The following IL1RN variants were observed in gnomAD, a reference collection of about 807,000 sequenced individuals.
The protein encoded by IL1RN is interleukin-1 receptor antagonist protein.
A neutral mutation model predicts 13.7 loss-of-function variants in IL1RN; 10 were observed. The observed-to-expected ratio is 0.73, with a 90% CI of 0.45 to 1.24. The LOEUF is 1.24. Among genes scored for constraint, IL1RN ranks in the 50% most tolerant of loss-of-function variants. The pLI, the probability that IL1RN is intolerant of heterozygous loss-of-function variation, is 0.00. For missense variants in IL1RN, 213 were observed against 222.1 expected (o/e 0.96, Z 0.26); for synonymous variants, 102 against 82.7 (o/e 1.23, Z -1.27).
chr2:113,106,386 C>T (rs1156468811), upstream of IL1RN, among the ~76,000 whole-genome samples: 2 of 152,150 alleles, frequency 1.3e-5, no homozygotes, highest in African/African-American at 4.8e-5. Context: ...TTGAGATATG[C>T]ATTCTTATCC....
At chr2:113,106,195 A>G (rs1686384015), upstream of IL1RN, among the ~76,000 whole-genome samples, 1 of 152,144 alleles carries the variant, frequency 6.6e-6, no homozygotes, top group African/African-American at 2.4e-5. Flanking sequence ...TCCAATTTGT[A>G]TGACTCCAAA....
chr2:113,115,329 T>C (rs1686571784), upstream of IL1RN, among the ~76,000 whole-genome samples: 1 of 152,026 alleles, frequency 6.6e-6, no homozygotes, highest in South Asian at 2.1e-4. Flanking sequence ...TCCATTCCCA[T>C]AGTAGGAATT....
chr2:113,120,161 A>AT (rs1279693923), intron 2 of IL1RN: 4 of 1,456,220 alleles, frequency 2.7e-6, no homozygotes, highest in Non-Finnish European at 3.9e-6. Context: ...GTTTGAAAAC[A>AT]ATTTTAGGCT....
the IL1RN span, among the ~76,000 whole-genome samples, chr2:113,099,723 CTTTTCTTTT>C: frequency 5.3e-3 from 384 of 72,218 alleles, 15 homozygotes; most frequent in Middle Eastern, 9.6e-3. Flanking sequence ...CCTCTTCTTT[CTTTTCTTTT>C]TTTTTTTTTT....
At chr2:113,116,485 C>A (rs1686595947), upstream of IL1RN, among the ~76,000 whole-genome samples, 1 of 151,450 alleles carries the variant, frequency 6.6e-6, no homozygotes, top group Non-Finnish European at 1.5e-5. Context: ...GTCGGGAGCA[C>A]CCAGGCGGGG....
upstream of IL1RN, chr2:113,117,801 G>A (rs149162272): frequency 1.5e-4 from 90 of 617,518 alleles, no homozygotes; most frequent in African/African-American, 1.4e-3. Context: ...GCCATCAGCC[G>A]GCCCATCTCC....
chr2:113,104,452 C>T (rs1481349633), upstream of IL1RN, among the ~76,000 whole-genome samples: 4 of 152,074 alleles, frequency 2.6e-5, no homozygotes, highest in Non-Finnish European at 5.9e-5. Context: ...ACTCCTCCTG[C>T]CCCCACATGT....
rs1349219708 is a variant in IL1RN, at chr2:113,121,096, CTCTTCCTCTTCCTCT to C, written c.73+985_73+999del. On this transcript the variant is annotated intron_variant, in intron 2 of 5. Coordinates refer to the IL1RN transcript ENST00000259206. Reference sequence around the variant, plus strand: ...CCTCCTCTTCTTCTTCTTCTTCTTCCTCTTCCTCTTCCTCTTCTTCCTCTTCCTCTTATTCTTCTT... The same window carrying C: ...CCTCCTCTTCTTCTTCTTCTTCTTCCTCTTCCTCTTCCTCTTATTCTTCTT... Among the ~76,000 whole-genome samples, 4 of 137,362 alleles carry C rather than the reference CTCTTCCTCTTCCTCT, an allele frequency of 2.9e-5. No homozygotes were observed. In the South Asian group the frequency reaches 7.2e-4, roughly 25 times the overall value. The allele number at this position is 137,362 out of a possible 152,430, so 90.1% of individuals were successfully genotyped here. A position where few individuals can be genotyped will look rare whatever the true frequency, so the allele number is the denominator to read the frequency against.
chr2:113,121,084 T>C (rs199573790), intron 2 of IL1RN, among the ~76,000 whole-genome samples: 8 of 125,962 alleles, frequency 6.4e-5, no homozygotes, highest in South Asian at 6.0e-4. Flanking sequence ...CCTCTTCTTC[T>C]TCTTCTTCTT....
chr2:113,104,674 C>T (rs372475989), upstream of IL1RN, among the ~76,000 whole-genome samples: 1 of 152,084 alleles, frequency 6.6e-6, no homozygotes, highest in African/African-American at 2.4e-5. Context: ...TCTTGCTTTA[C>T]CCCAGTAGCC....
chr2:113,119,903 A>G (rs1292008738), intron 1 of IL1RN, among the ~76,000 whole-genome samples: 1 of 152,096 alleles, frequency 6.6e-6, no homozygotes, highest in Non-Finnish European at 1.5e-5. Flanking sequence ...AGAAAAGTTG[A>G]CGGGGTGCAT....
chr2:113,120,181 GAAC>G, intron 2 of IL1RN: 1 of 1,188,202 alleles, frequency 8.4e-7, no homozygotes, highest in Non-Finnish European at 1.3e-6. Flanking sequence ...TACTAGATAT[GAAC>G]AACATCTTGA....
At chr2:113,126,308 G>A (rs1686957443), upstream of IL1RN, among the ~76,000 whole-genome samples, 1 of 152,254 alleles carries the variant, frequency 6.6e-6, no homozygotes, top group Admixed American at 6.5e-5. Flanking sequence ...CGGGGCTGGA[G>A]GTCAGAAGAC....
At chr2:113,099,870 G>C in the IL1RN span, among the ~76,000 whole-genome samples, 3 of 146,716 alleles carry the variant, frequency 2.0e-5, no homozygotes, top group Non-Finnish European at 4.5e-5. Flanking sequence ...GAGTAGCTGG[G>C]ACTACAGGCA....
chr2:113,126,779 A>T (rs555434014), upstream of IL1RN, among the ~76,000 whole-genome samples: 11 of 152,168 alleles, frequency 7.2e-5, no homozygotes, highest in Non-Finnish European at 1.6e-4. Context: ...AACTAATGAA[A>T]TGATTTGTTC....
At chr2:113,104,097 A>T (rs889942139), upstream of IL1RN, among the ~76,000 whole-genome samples, 1 of 151,950 alleles carries the variant, frequency 6.6e-6, no homozygotes, top group East Asian at 1.9e-4. Flanking sequence ...GATTTTCATC[A>T]TTACATGGTA....
At chr2:113,130,357 T>C (rs1687126771) in intron 2 of IL1RN, among the ~76,000 whole-genome samples, 1 of 152,240 alleles carries the variant, frequency 6.6e-6, no homozygotes, top group Non-Finnish European at 1.5e-5. Context: ...GTTCTCCTAA[T>C]GAACACACTG....
At chr2:113,119,950 T>C in intron 1 of IL1RN, 1 of 826,120 alleles carries the variant, frequency 1.2e-6, no homozygotes, top group Non-Finnish European at 2.1e-6. Flanking sequence ...GAACAGAGGG[T>C]AAAGGATAGA....
chr2:113,105,898 G>A (rs997419276), upstream of IL1RN, among the ~76,000 whole-genome samples: 1 of 152,272 alleles, frequency 6.6e-6, no homozygotes, highest in African/African-American at 2.4e-5. Context: ...ATCAAAAGAT[G>A]AGTAATCTTT....
Sources: allele counts gnomAD v4.1 joint callset (sites outside exome capture counted in the v4.1 genomes callset), GRCh38; gene constraint gnomAD v4.1.1; transcripts MANE v1.5; gene names NCBI Gene and HGNC (gene_info 2026-07-23, HGNC 2026-07-21).